Variants in ADAMTS18 observed in about 807,000 individuals in gnomAD.
ADAMTS18 encodes the protein A disintegrin and metalloproteinase with thrombospondin motifs 18.
In ADAMTS18, 157 loss-of-function variants were observed where a neutral mutation model predicts 165.9. That is an observed-to-expected ratio of 0.95 (90% CI 0.83 to 1.08). The LOEUF (loss-of-function observed/expected upper bound fraction) is 1.08, where lower values mean the gene tolerates loss of function less well. Among genes scored for constraint, ADAMTS18 ranks in the 50% least tolerant of loss-of-function variants. The pLI, the probability that ADAMTS18 is intolerant of heterozygous loss-of-function variation, is 0.00. For missense variants in ADAMTS18, 2,040 were observed against 1,534.0 expected (o/e 1.33, Z -5.51); for synonymous variants, 782 against 578.2 (o/e 1.35, Z -5.06).
chr16:77,370,169 C>T (rs1236463317), intron 3 of ADAMTS18, among the ~76,000 whole-genome samples: 1 of 152,120 alleles, frequency 6.6e-6, no homozygotes, highest in African/African-American at 2.4e-5. Context: ...CTCTAAGATC[C>T]AGAACAAGAC....
intron 3 of ADAMTS18, among the ~76,000 whole-genome samples, chr16:77,378,145 C>A (rs1277422554): frequency 6.6e-6 from 1 of 151,608 alleles, no homozygotes; most frequent in African/African-American, 2.4e-5. Flanking sequence ...GGAAACACCA[C>A]AAGATCCATC....
chr16:77,334,807 G>GTATA (rs1168246497), intron 12 of ADAMTS18, among the ~76,000 whole-genome samples: 7 of 118,602 alleles, frequency 5.9e-5, no homozygotes, highest in African/African-American at 2.3e-4. Flanking sequence ...ATATACTATA[G>GTATA]TATACAGTAT....
intron 7 of ADAMTS18, among the ~76,000 whole-genome samples, chr16:77,360,462 G>C (rs141003617): frequency 3.3e-5 from 5 of 152,152 alleles, no homozygotes; most frequent in Admixed American, 6.5e-5. Flanking sequence ...ACTGCTTAAA[G>C]TAAGTGACCT....
chr16:77,321,311 G>C, intron 14 of ADAMTS18, 109 bp from the exon 15 acceptor site: 1 of 1,432,564 alleles, frequency 7.0e-7, no homozygotes, highest in Non-Finnish European at 9.7e-7. Flanking sequence ...TAGGGAAGCA[G>C]TACAGCTTAT....
chr16:77,378,352 A>AAAAAAAC (rs2056983080), intron 3 of ADAMTS18, among the ~76,000 whole-genome samples: 1 of 51,174 alleles, frequency 2.0e-5, no homozygotes, highest in African/African-American at 5.8e-5. Context: ...AAAAAAAACA[A>AAAAAAAC]AAAAAAAAAA....
chr16:77,320,768 C>T (rs527544996), intron 15 of ADAMTS18, among the ~76,000 whole-genome samples: 11 of 152,338 alleles, frequency 7.2e-5, no homozygotes, highest in African/African-American at 2.4e-4. Context: ...TCATTTAGCA[C>T]TGTGAGTAGA....
chr16:77,434,477 G>C lies in ADAMTS18; in HGVS notation c.119C>G (p.Ala40Gly). Residue 40 changes from alanine to glycine, a missense_variant, in exon 2 of 23, where the codon GCG (alanine) becomes GGG (glycine). Physicochemically the swap from Ala to Gly is moderately conservative, Grantham distance 60. Coordinates refer to ENST00000282849, the MANE Select transcript of ADAMTS18 (RefSeq NM_199355.4). ...ACTGGCTAAGGCCGCGGCGACCGAC[G>C]CACAGCAGAGGCAGCACAGCTGGAG... ...KALQLCCLCC[A>G]SVAAALASDS... The C allele has an allele frequency of 1.3e-6, 2 of 1,568,930 alleles. No individual in the cohort carries two copies. Among genetic ancestry groups the C allele is most frequent in the Non-Finnish European group, 1.7e-6 (2 of 1,162,076 alleles).
At chr16:77,397,569 T>C (rs2057274611) in intron 3 of ADAMTS18, among the ~76,000 whole-genome samples, 2 of 152,210 alleles carry the variant, frequency 1.3e-5, no homozygotes, top group African/African-American at 2.4e-5. Context: ...GTGATGTTAA[T>C]CTATTCCAAG....
At chr16:77,420,574 C>T (rs2057589024) in intron 3 of ADAMTS18, among the ~76,000 whole-genome samples, 1 of 152,184 alleles carries the variant, frequency 6.6e-6, no homozygotes, top group African/African-American at 2.4e-5. Context: ...TAATACTAAA[C>T]AGACATTTGT....
Position 77,299,869 on chromosome 16 carries a change from C to A in ADAMTS18, c.2674+394G>T, listed in dbSNP as rs560924268. ...ATGTATGCGTCCTCACTTGCCTTGA[C>A]CCTAGCTTTTATAACTTCCAAATGG... On this transcript the variant is annotated intron_variant, in intron 17 of 22. Transcript: ENST00000282849. Among the ~76,000 whole-genome samples the A allele has an allele frequency of 1.1e-4, 16 of 152,248 alleles. No homozygotes were observed. The South Asian group carries it at 3.3e-3, about 32-fold the overall frequency.
intron 12 of ADAMTS18, among the ~76,000 whole-genome samples, chr16:77,331,713 G>C (rs2056192271): frequency 6.6e-6 from 1 of 152,096 alleles, no homozygotes; most frequent in Admixed American, 6.6e-5. Flanking sequence ...TAGGTCAAGG[G>C]CAGGGATGCT....
chr16:77,368,858 G>C lies in ADAMTS18; in HGVS notation c.496-1135C>G, dbSNP rs534952037. The stretch of plus-strand genomic sequence containing the variant: ...TGAAGAGACATATTTACCAAATCAA[G>C]AAGAAAGGGGAGACCCTGGGAAGCC... On this transcript the variant is annotated intron_variant, in intron 3 of 22. Coordinates refer to ENST00000282849, the MANE Select transcript of ADAMTS18 (RefSeq NM_199355.4). 1.2e-4 allele frequency among the ~76,000 whole-genome samples: 19 copies of C among 152,296 alleles called. No individual in the cohort carries two copies. The South Asian group carries it at 3.3e-3, about 27-fold the overall frequency.
rs534571528 is a variant in ADAMTS18, at chr16:77,287,132, T to G, written c.3550+2132A>C. ...CAATGGGTAGAAACTTCTACCCAAG[T>G]GGAAGCTCCATAAGGGGAGGAAACT... On this transcript the variant is annotated intron_variant, in intron 22 of 22. Coordinates refer to ENST00000282849, the MANE Select transcript of ADAMTS18 (RefSeq NM_199355.4). Among the ~76,000 whole-genome samples the G allele has an allele frequency of 3.3e-5, 5 of 152,186 alleles. No individual in the cohort carries two copies. The East Asian group carries it at 9.7e-4, about 30-fold the overall frequency.
intron 9 of ADAMTS18, among the ~76,000 whole-genome samples, 171 bp from the exon 10 acceptor site, chr16:77,354,057 A>G (rs2056594351): frequency 6.6e-6 from 1 of 152,234 alleles, no homozygotes; most frequent in African/African-American, 2.4e-5. Context: ...GTCCTGTCTA[A>G]GAGGATGGAA....
intron 3 of ADAMTS18, among the ~76,000 whole-genome samples, chr16:77,377,870 G>A (rs1051971257): frequency 6.6e-6 from 1 of 152,192 alleles, no homozygotes; most frequent in Middle Eastern, 3.4e-3. Context: ...TTCAGAATAA[G>A]GGAAAGACTT....
intron 3 of ADAMTS18, among the ~76,000 whole-genome samples, chr16:77,372,397 G>A (rs2056889079): frequency 6.6e-6 from 1 of 152,086 alleles, no homozygotes; most frequent in South Asian, 2.1e-4. Context: ...ATAAAAATGT[G>A]GTATATATAC....
intron 3 of ADAMTS18, among the ~76,000 whole-genome samples, chr16:77,424,794 A>C (rs1391744351): frequency 6.6e-6 from 1 of 152,182 alleles, no homozygotes; most frequent in Non-Finnish European, 1.5e-5. Flanking sequence ...AAACACATAA[A>C]TACAACCCAG....
chr16:77,338,636 C>T (rs527921953), intron 11 of ADAMTS18, among the ~76,000 whole-genome samples: 10 of 151,912 alleles, frequency 6.6e-5, no homozygotes, highest in South Asian at 2.1e-4. Flanking sequence ...CCTTTCTTTC[C>T]GTGCACACAT....
chr16:77,352,642 G>A (rs1482559486), intron 10 of ADAMTS18, among the ~76,000 whole-genome samples: 1 of 152,120 alleles, frequency 6.6e-6, no homozygotes, highest in Non-Finnish European at 1.5e-5. Context: ...GGTGATGGTG[G>A]TGGTGGTGGC....
Sources: allele counts gnomAD v4.1 joint callset (sites outside exome capture counted in the v4.1 genomes callset), GRCh38; gene constraint gnomAD v4.1.1; transcripts MANE v1.5; gene names NCBI Gene and HGNC (gene_info 2026-07-23, HGNC 2026-07-21).